Variants in FYN observed in about 807,000 individuals in gnomAD.
The protein encoded by FYN is FYN proto-oncogene, Src family tyrosine kinase.
A neutral mutation model predicts 70.2 loss-of-function variants in FYN; 10 were observed. The observed-to-expected ratio is 0.14, with a 90% CI of 0.09 to 0.24. The LOEUF (loss-of-function observed/expected upper bound fraction) is 0.24, where lower values mean the gene tolerates loss of function less well. Ranked by LOEUF, FYN falls within the 10% of genes least tolerant of loss-of-function variation. The probability of loss-of-function intolerance (pLI) is 1.00; values close to 1 mark genes in which losing one functional copy is unlikely to be tolerated. For synonymous variants in FYN, 236 were observed against 248.6 expected, an observed-to-expected ratio of 0.95 and a Z score of 0.48; for missense variants, 319 against 673.1, an observed-to-expected ratio of 0.47 and a Z score of 5.82.
chr6:111,770,802 C>T (rs1200492630), intron 3 of FYN, among the ~76,000 whole-genome samples: 2 of 152,072 alleles, frequency 1.3e-5, no homozygotes, highest in African/African-American at 4.8e-5. Context: ...GAACCCTAAC[C>T]ATTCCCTCGA....
intron 3 of FYN, among the ~76,000 whole-genome samples, chr6:111,777,000 G>C (rs1246350923): frequency 6.6e-6 from 1 of 152,126 alleles, no homozygotes; most frequent in Non-Finnish European, 1.5e-5. Context: ...CACCAGAACC[G>C]CCTTGATTCA....
intron 2 of FYN, among the ~76,000 whole-genome samples, chr6:111,804,624 G>T (rs964809062): frequency 2.6e-5 from 4 of 152,112 alleles, no homozygotes; most frequent in Non-Finnish European, 5.9e-5. Flanking sequence ...CCTAGTCTTT[G>T]TTCACTGGGG....
Position 111,847,679 on chromosome 6 carries a change from G to T in FYN, c.-122-1050C>A, listed in dbSNP as rs544008115. Among the ~76,000 whole-genome samples the T allele has an allele frequency of 3.3e-5, 5 of 152,052 alleles. No homozygotes were observed. In the East Asian group the frequency reaches 9.7e-4, roughly 29 times the overall value. The stretch of plus-strand genomic sequence containing the variant: ...CATCCCCCACCACACACACACACAA[G>T]AATTTTTGCACTGTTTGGAAAGATG... On this transcript the variant is annotated intron_variant, in intron 1 of 13. Coordinates refer to ENST00000354650, the MANE Select transcript of FYN (RefSeq NM_002037.5).
intron 3 of FYN, among the ~76,000 whole-genome samples, chr6:111,761,844 C>CA (rs1435268407): frequency 4.6e-5 from 7 of 151,774 alleles, no homozygotes; most frequent in South Asian, 4.2e-4. Flanking sequence ...GTACTTTTAG[C>CA]AAAAAAAATG....
chr6:111,682,341 A>G (rs1798813968), intron 12 of FYN, among the ~76,000 whole-genome samples: 3 of 152,190 alleles, frequency 2.0e-5, no homozygotes, highest in Non-Finnish European at 4.4e-5. Flanking sequence ...TGACTGCCCA[A>G]AGTCATCATG....
chr6:111,809,807 A>G (rs1450670655), intron 2 of FYN, among the ~76,000 whole-genome samples: 2 of 152,240 alleles, frequency 1.3e-5, no homozygotes, highest in Admixed American at 1.3e-4. Flanking sequence ...TTAAAAATTT[A>G]GTAGAAAAAA....
At position 111,715,911 on chromosome 6, in the gene FYN, C is replaced by G. The variant is rs551530553; in HGVS notation, c.248-1468G>C. Reference sequence around the variant, plus strand: ...GAAGATTTGGATCCAAGCGGTGCCACACTTTATGTCATCACTACAAGTGTT... The same window carrying G: ...GAAGATTTGGATCCAAGCGGTGCCAGACTTTATGTCATCACTACAAGTGTT... On this transcript the variant is annotated intron_variant, in intron 4 of 13. Coordinates refer to ENST00000354650, the MANE Select transcript of FYN (RefSeq NM_002037.5). Among the ~76,000 whole-genome samples, 668 of 152,322 alleles carry G rather than the reference C, an allele frequency of 4.4e-3. 3 individuals carry two copies. The highest frequency in any genetic ancestry group is 0.015 in the African/African-American group (637 of 41,562).
intron 5 of FYN, chr6:111,708,241 T>G (rs754703864): frequency 6.6e-6 from 3 of 457,972 alleles, no homozygotes; most frequent in East Asian, 6.8e-5. Flanking sequence ...TCTTGCCTTA[T>G]TTGTGAATTA....
intron 2 of FYN, among the ~76,000 whole-genome samples, chr6:111,804,311 C>T (rs574277436): frequency 6.6e-6 from 1 of 152,144 alleles, no homozygotes; most frequent in East Asian, 1.9e-4. Flanking sequence ...AACTGGGGAA[C>T]AGAGACCTCA....
chr6:111,783,114 A>G (rs974674187), intron 2 of FYN, among the ~76,000 whole-genome samples: 5 of 152,202 alleles, frequency 3.3e-5, no homozygotes, highest in African/African-American at 1.2e-4. Context: ...GAACAGCTGC[A>G]GCTCAGGAAT....
chr6:111,772,119 G>C (rs2128500156), intron 3 of FYN, among the ~76,000 whole-genome samples: 1 of 152,292 alleles, frequency 6.6e-6, no homozygotes, highest in East Asian at 1.9e-4. Context: ...TTCTACACAT[G>C]AGGAGCCTGT....
chr6:111,730,523 T>C (rs1199943775), intron 3 of FYN, among the ~76,000 whole-genome samples: 1 of 152,114 alleles, frequency 6.6e-6, no homozygotes, highest in East Asian at 1.9e-4. Flanking sequence ...TCTAGGAAGG[T>C]GGAGAGGATG....
intron 5 of FYN, among the ~76,000 whole-genome samples, chr6:111,710,350 G>A (rs995483239): frequency 2.6e-5 from 4 of 152,210 alleles, no homozygotes; most frequent in Admixed American, 6.5e-5. Flanking sequence ...CCTTATTCAG[G>A]TGATCTGGCA....
intron 13 of FYN, among the ~76,000 whole-genome samples, chr6:111,666,790 G>A (rs899253011): frequency 5.3e-5 from 8 of 152,160 alleles, no homozygotes; most frequent in African/African-American, 1.9e-4. Flanking sequence ...CTGAAATGGT[G>A]CCACTGCACT....
At chr6:111,796,494 A>G (rs1164358535) in intron 2 of FYN, among the ~76,000 whole-genome samples, 2 of 152,200 alleles carry the variant, frequency 1.3e-5, no homozygotes, top group African/African-American at 4.8e-5. Context: ...AGTGTACTCT[A>G]TGATGTTTAC....
chr6:111,864,679 G>A (rs1429573351), intron 1 of FYN, among the ~76,000 whole-genome samples: 19 of 152,200 alleles, frequency 1.2e-4, no homozygotes, highest in Admixed American at 1.2e-3. Flanking sequence ...GACTTCCACG[G>A]TGGGTAAAGG....
At chr6:111,804,359 T>TC (rs1772083962) in intron 2 of FYN, among the ~76,000 whole-genome samples, 2 of 152,304 alleles carry the variant, frequency 1.3e-5, no homozygotes, top group East Asian at 3.9e-4. Context: ...GGCATTCCTT[T>TC]CTTCCCAGGT....
chr6:111,869,304 T>A (rs1562552101), intron 1 of FYN, among the ~76,000 whole-genome samples: 2 of 152,240 alleles, frequency 1.3e-5, no homozygotes, highest in African/African-American at 2.4e-5. Flanking sequence ...TGCCCTTCCG[T>A]TAAGAAGCTG....
chr6:111,782,414 A>T lies in FYN; in HGVS notation c.-81-1779T>A, dbSNP rs531751539. On this transcript the variant is annotated intron_variant, in intron 2 of 13. Coordinates refer to ENST00000354650, the MANE Select transcript of FYN (RefSeq NM_002037.5). ...ATGAGCTCAGGTAATCATTAATATT[A>T]TCTCATTGCTCCTTCGCAGCCTATG... 2.0e-5 allele frequency among the ~76,000 whole-genome samples: 3 copies of T among 152,270 alleles called. No individual in the cohort carries two copies. In the East Asian group the frequency reaches 5.8e-4, roughly 29 times the overall value.
Sources: allele counts gnomAD v4.1 joint callset (sites outside exome capture counted in the v4.1 genomes callset), GRCh38; gene constraint gnomAD v4.1.1; transcripts MANE v1.5; gene names NCBI Gene and HGNC (gene_info 2026-07-23, HGNC 2026-07-21).